The following CLSTN2 variants were observed in gnomAD, a reference collection of about 807,000 sequenced individuals.
CLSTN2 encodes the protein calsyntenin 2, also known as calsyntenin-2.
Under a neutral mutation model 101.2 loss-of-function variants are expected in CLSTN2, and 48 were observed. The observed-to-expected ratio is 0.47, with a 90% CI of 0.38 to 0.60. The LOEUF is 0.60. Among genes scored for constraint, CLSTN2 ranks in the 20% least tolerant of loss-of-function variants. CLSTN2 has a pLI of 0.00. For missense variants in CLSTN2, 1,160 were observed against 1,238.2 expected (o/e 0.94, Z 0.95); for synonymous variants, 481 against 463.6 (o/e 1.04, Z -0.48).
chr3:140,446,730 G>C (rs1933086892), intron 5 of CLSTN2, among the ~76,000 whole-genome samples: 1 of 152,146 alleles, frequency 6.6e-6, no homozygotes, highest in African/African-American at 2.4e-5. Flanking sequence ...TGCTGCATCT[G>C]CTTCACACAT....
intron 2 of CLSTN2, among the ~76,000 whole-genome samples, chr3:140,322,577 A>C (rs1381318088): frequency 6.6e-6 from 1 of 152,256 alleles, no homozygotes; most frequent in South Asian, 2.1e-4. Context: ...TGAGTCTTTT[A>C]GAATAAGCCA....
At chr3:140,541,744 C>A (rs931289287) in intron 9 of CLSTN2, among the ~76,000 whole-genome samples, 2 of 152,178 alleles carry the variant, frequency 1.3e-5, no homozygotes, top group Non-Finnish European at 2.9e-5. Context: ...CCCTTCCCTG[C>A]CACAGTCACA....
At position 140,527,849 on chromosome 3, in the gene CLSTN2, T is replaced by C. The variant is rs79658622; in HGVS notation, c.1345-4475T>C. ...ACCAAATACCGTATTTTTTCACTTA[T>C]AAGTGGAAGCTAAACATTGGATACC... On this transcript the variant is annotated intron_variant, in intron 8 of 16. Coordinates refer to ENST00000458420, the MANE Select transcript of CLSTN2 (RefSeq NM_022131.3). Among the ~76,000 whole-genome samples, 1,246 of 152,254 alleles carry C rather than the reference T, an allele frequency of 8.2e-3. 17 individuals are homozygous for C. Among genetic ancestry groups the C allele is most frequent in the African/African-American group, 0.028 (1,169 of 41,536 alleles).
chr3:139,997,813 T>A (rs904973185), intron 1 of CLSTN2, among the ~76,000 whole-genome samples: 29 of 151,602 alleles, frequency 1.9e-4, no homozygotes, highest in African/African-American at 4.6e-4. Flanking sequence ...TGAAAAAAAA[T>A]TTTTTTTGAA....
At chr3:140,528,207 A>G (rs1576613006) in intron 8 of CLSTN2, among the ~76,000 whole-genome samples, 1 of 152,322 alleles carries the variant, frequency 6.6e-6, no homozygotes, top group Non-Finnish European at 1.5e-5. Flanking sequence ...AAGCTGCTTC[A>G]ATACTGAAAA....
chr3:140,066,344 C>T lies in CLSTN2; in HGVS notation c.110-109607C>T, dbSNP rs73867290. ...CCTCCACCATGGTGTTTCTTCAAGA[C>T]TCTTTCTCTAATCTTTACCTGGTGC... On this transcript the variant is annotated intron_variant, in intron 1 of 16. Coordinates refer to ENST00000458420, the MANE Select transcript of CLSTN2 (RefSeq NM_022131.3). 5.3e-3 allele frequency among the ~76,000 whole-genome samples: 805 copies of T among 152,342 alleles called. 10 individuals are homozygous for T. Among genetic ancestry groups the T allele is most frequent in the African/African-American group, 0.017 (719 of 41,582 alleles).
At chr3:140,421,394 G>A in intron 5 of CLSTN2, 120 bp downstream of exon 5, 1 of 1,198,728 alleles carries the variant, frequency 8.3e-7, no homozygotes, top group Admixed American at 2.2e-5. Flanking sequence ...TTTGCTGTGA[G>A]AAATAAAGTA....
intron 8 of CLSTN2, among the ~76,000 whole-genome samples, chr3:140,515,681 G>A (rs997922377): frequency 2.0e-5 from 3 of 151,978 alleles, no homozygotes; most frequent in African/African-American, 7.2e-5. Flanking sequence ...TGGTTTTGAG[G>A]GTTCTTTTTG....
intron 9 of CLSTN2, among the ~76,000 whole-genome samples, chr3:140,545,080 T>A (rs1195595060): frequency 1.1e-4 from 17 of 152,038 alleles, no homozygotes; most frequent in Admixed American, 1.0e-3. Context: ...AAGAGAACTC[T>A]AAAGAACATA....
intron 8 of CLSTN2, among the ~76,000 whole-genome samples, chr3:140,505,118 A>T (rs1934661913): frequency 6.6e-6 from 1 of 152,088 alleles, no homozygotes; most frequent in Non-Finnish European, 1.5e-5. Flanking sequence ...CCTGTTGACA[A>T]GCCTTCTCTC....
At chr3:140,089,971 C>CTTTTT (rs58418539) in intron 1 of CLSTN2, among the ~76,000 whole-genome samples, 1 of 49,648 alleles carries the variant, frequency 2.0e-5, no homozygotes, top group Non-Finnish European at 3.5e-5. Flanking sequence ...CTAGGATTGG[C>CTTTTT]TTTTTTTTTT....
intron 1 of CLSTN2, among the ~76,000 whole-genome samples, chr3:140,123,251 A>C (rs1164388550): frequency 6.6e-6 from 1 of 151,852 alleles, no homozygotes; most frequent in Non-Finnish European, 1.5e-5. Context: ...GATTCATTCT[A>C]GTCCTTTTAT....
chr3:140,274,036 T>C (rs1300577420), intron 2 of CLSTN2, among the ~76,000 whole-genome samples: 2 of 152,120 alleles, frequency 1.3e-5, no homozygotes, highest in African/African-American at 4.8e-5. Context: ...TCCTCCCGGC[T>C]CCAGGGAAAG....
intron 1 of CLSTN2, among the ~76,000 whole-genome samples, chr3:139,950,197 G>T (rs960295100): frequency 1.3e-5 from 2 of 152,168 alleles, no homozygotes; most frequent in Non-Finnish European, 2.9e-5. Context: ...AATCCATAAG[G>T]ATAGGCTGGT....
intron 2 of CLSTN2, among the ~76,000 whole-genome samples, chr3:140,233,479 G>A (rs375039879): frequency 1.6e-4 from 24 of 152,246 alleles, no homozygotes; most frequent in African/African-American, 5.1e-4. Context: ...TCTGAGAAAA[G>A]GAATACTTCA....
chr3:140,347,193 G>T (rs1027893763), intron 2 of CLSTN2, among the ~76,000 whole-genome samples: 1 of 152,182 alleles, frequency 6.6e-6, no homozygotes, highest in South Asian at 2.1e-4. Context: ...AGTAAAATGT[G>T]TTATTTGGCA....
chr3:140,178,582 C>G (rs1412384739), intron 2 of CLSTN2, among the ~76,000 whole-genome samples: 1 of 152,126 alleles, frequency 6.6e-6, no homozygotes, highest in East Asian at 1.9e-4. Context: ...CCTCTGAGCT[C>G]TTAGGAGTAA....
chr3:140,230,075 C>A (rs1047124982), intron 2 of CLSTN2, among the ~76,000 whole-genome samples: 20 of 151,996 alleles, frequency 1.3e-4, no homozygotes, highest in African/African-American at 4.8e-4. Flanking sequence ...CCCCTCACCC[C>A]CAGGGTAAGA....
chr3:140,022,790 C>A (rs1402426010), intron 1 of CLSTN2, among the ~76,000 whole-genome samples: 1 of 152,146 alleles, frequency 6.6e-6, no homozygotes, highest in African/African-American at 2.4e-5. Context: ...TAGTTTTATC[C>A]TTAATTCCTG....
Sources: allele counts gnomAD v4.1 joint callset (sites outside exome capture counted in the v4.1 genomes callset), GRCh38; gene constraint gnomAD v4.1.1; transcripts MANE v1.5; gene names NCBI Gene and HGNC (gene_info 2026-07-23, HGNC 2026-07-21).